Variants in CASTOR2 observed in about 807,000 individuals in gnomAD.
CASTOR2 encodes the protein GATS protein like 2.
Under a neutral mutation model 31.2 loss-of-function variants are expected in CASTOR2, and 8 were observed. The observed-to-expected ratio is 0.26, with a 90% CI of 0.15 to 0.46. CASTOR2 has a LOEUF of 0.46. Among genes scored for constraint, CASTOR2 ranks in the 20% least tolerant of loss-of-function variants. The probability of loss-of-function intolerance (pLI) is 0.99; values close to 1 mark genes in which losing one functional copy is unlikely to be tolerated. For missense variants in CASTOR2, 216 were observed against 382.1 expected (o/e 0.57, Z 3.62); for synonymous variants, 162 against 158.7 (o/e 1.02, Z -0.16).
intron 2 of CASTOR2, among the ~76,000 whole-genome samples, chr7:75,013,908 A>G (rs1222197887): frequency 4.0e-5 from 6 of 151,842 alleles, no homozygotes; most frequent in African/African-American, 1.5e-4. Context: ...TTATATTTTT[A>G]GTACAGACAA....
intron 1 of CASTOR2, among the ~76,000 whole-genome samples, chr7:75,003,703 T>C (rs1804546805): frequency 6.6e-6 from 1 of 151,768 alleles, no homozygotes; most frequent in African/African-American, 2.4e-5. Context: ...TGAGCCGAGA[T>C]TGCGCCACTG....
At chr7:75,012,385 C>A (rs1333053641) in intron 2 of CASTOR2, among the ~76,000 whole-genome samples, 3 of 152,152 alleles carry the variant, frequency 2.0e-5, no homozygotes, top group Admixed American at 1.3e-4. Flanking sequence ...TCACTGCATC[C>A]TCCACCTCCC....
At chr7:75,004,070 G>A (rs1410820637) in intron 1 of CASTOR2, among the ~76,000 whole-genome samples, 1 of 152,154 alleles carries the variant, frequency 6.6e-6, no homozygotes, top group Non-Finnish European at 1.5e-5. Context: ...GGGAGCAAGG[G>A]CCGCGTCTGT....
At chr7:74,988,958 A>AT (rs1364528225) in intron 1 of CASTOR2, among the ~76,000 whole-genome samples, 1 of 88,212 alleles carries the variant, frequency 1.1e-5, no homozygotes, top group Non-Finnish European at 2.3e-5. Flanking sequence ...ACTGGAGGGA[A>AT]TTTTTCTTTT....
At chr7:75,020,015 T>C in intron 5 of CASTOR2, 24 bp from the exon 6 acceptor site, 1 of 1,550,326 alleles carries the variant, frequency 6.5e-7, no homozygotes, top group South Asian at 1.2e-5. Context: ...GGCCCCATCT[T>C]TACCAGCTGC....
intron 5 of CASTOR2, among the ~76,000 whole-genome samples, chr7:75,019,783 G>A (rs1438938589): frequency 6.6e-6 from 1 of 152,254 alleles, no homozygotes; most frequent in Non-Finnish European, 1.5e-5. Context: ...CACAGCCTGT[G>A]CCCTGAGATG....
intron 1 of CASTOR2, among the ~76,000 whole-genome samples, chr7:74,992,511 C>G (rs1259345672): frequency 1.3e-5 from 2 of 152,214 alleles, no homozygotes; most frequent in Admixed American, 1.3e-4. Context: ...ATGATCTCGG[C>G]TCACTGCAAC....
chr7:75,024,197 C>T (rs935340206), intron 7 of CASTOR2, among the ~76,000 whole-genome samples: 9 of 152,028 alleles, frequency 5.9e-5, no homozygotes, highest in African/African-American at 1.9e-4. Context: ...GGCTGAGGCA[C>T]GAGGATTGCT....
chr7:75,031,345 G>C lies in CASTOR2; in HGVS notation c.*6646G>C, dbSNP rs1396971243. ...CATCGCTCCCAAGATCTGGGTGAAG[G>C]GGAGAACCTGCCATCTTATCCCTAC... On this transcript the variant is annotated 3_prime_UTR_variant, in exon 9 of 9. Coordinates refer to ENST00000616305, the MANE Select transcript of CASTOR2 (RefSeq NM_001145064.3). Among the ~76,000 whole-genome samples, 2 of 152,182 alleles carry C rather than the reference G, an allele frequency of 1.3e-5. No individual in the cohort carries two copies. Among genetic ancestry groups the C allele is most frequent in the Non-Finnish European group, 1.5e-5 (1 of 68,000 alleles).
intron 1 of CASTOR2, among the ~76,000 whole-genome samples, chr7:74,967,520 C>T (rs2131910061): frequency 6.9e-6 from 1 of 144,282 alleles, no homozygotes; most frequent in Middle Eastern, 3.6e-3. Context: ...CTGAGGGTCC[C>T]TGTGCCACCT....
intron 7 of CASTOR2, among the ~76,000 whole-genome samples, chr7:75,022,662 A>G (rs1008077190): frequency 1.8e-4 from 26 of 144,574 alleles, no homozygotes; most frequent in African/African-American, 5.4e-4. Flanking sequence ...GGCCAGGCAC[A>G]GTGGCGTGCG....
rs888758402 is a variant in CASTOR2 at position 75,020,691 on chromosome 7, A to G, written c.746+542A>G. 3.0e-3 allele frequency among the ~76,000 whole-genome samples: 452 copies of G among 151,584 alleles called. 4 individuals are homozygous for G. Among genetic ancestry groups the G allele is most frequent in the African/African-American group, 5.9e-3 (245 of 41,304 alleles). ...TTTTTAGTAGAGACCAGGTTTCACC[A>G]TGTTAGCCAAGATGGTCTGGATCTC... On this transcript the variant is annotated intron_variant, in intron 6 of 8. Transcript: ENST00000616305.
chr7:74,992,316 G>A (rs1480952152), intron 1 of CASTOR2, among the ~76,000 whole-genome samples: 8 of 152,168 alleles, frequency 5.3e-5, no homozygotes, highest in Non-Finnish European at 1.2e-4. Flanking sequence ...TCAAGGAACT[G>A]TAGGGCCCTG....
rs2131944808 is a variant in CASTOR2 at position 75,007,997 on chromosome 7, C to T, written c.117C>T (p.Cys39=). Residue 39 remains cysteine, a synonymous_variant, in exon 2 of 9, where the codon TGC becomes TGT. Transcript: ENST00000616305. ...CTGTGTCTGTCCATCCATCCAGGTGCAAGTTCTTCAGTCTGACTGAGACGC... is the reference window on the plus strand; with the variant it reads ...CTGTGTCTGTCCATCCATCCAGGTGTAAGTTCTTCAGTCTGACTGAGACGC... ...KLAFLSSKTR[C]KFFSLTETPE... 1 of 1,613,952 alleles carries T rather than the reference C, an allele frequency of 6.2e-7. No individual in the cohort carries two copies. Among genetic ancestry groups the T allele is most frequent in the East Asian group, 2.2e-5 (1 of 44,880 alleles).
intron 6 of CASTOR2, among the ~76,000 whole-genome samples, chr7:75,020,656 A>AT (rs1804976262): frequency 1.3e-5 from 2 of 150,700 alleles, no homozygotes; most frequent in Non-Finnish European, 1.5e-5. Flanking sequence ...CGCCTGGCTA[A>AT]TTTTTTGTAT....
At chr7:74,988,101 C>T (rs1804115775) in intron 1 of CASTOR2, among the ~76,000 whole-genome samples, 2 of 151,406 alleles carry the variant, frequency 1.3e-5, no homozygotes, top group African/African-American at 4.9e-5. Flanking sequence ...CATCTGTGTC[C>T]AGAGATGGCC....
chr7:75,026,206 T>TTTTTTA lies in CASTOR2; in HGVS notation c.*1507_*1508insTTTTTA. 7.1e-6 allele frequency among the ~76,000 whole-genome samples: 1 copy of TTTTTTA among 141,732 alleles called. No individual in the cohort carries two copies. Among genetic ancestry groups the TTTTTTA allele is most frequent in the South Asian group, 2.3e-4 (1 of 4,354 alleles). The allele number at this position is 141,732 out of a possible 152,430, so 93.0% of individuals were successfully genotyped here. ...TGGCGGGGGTTTTTTTTTTTTTTTT[T>TTTTTTA]GAGATGGGAGTCTGGCTCTGTTGCC... On this transcript the variant is annotated 3_prime_UTR_variant, in exon 9 of 9. Coordinates refer to ENST00000616305, the MANE Select transcript of CASTOR2 (RefSeq NM_001145064.3).
At position 75,030,471 on chromosome 7, in the gene CASTOR2, C is replaced by G. The variant is rs1363345898; in HGVS notation, c.*5772C>G. On this transcript the variant is annotated 3_prime_UTR_variant, in exon 9 of 9. Transcript: ENST00000616305. ...CCTCACCCCACTTGTCAGAACTACTCTGGAGGGGGGCAAAGGTGTCAGGAA... is the reference window on the plus strand; with the variant it reads ...CCTCACCCCACTTGTCAGAACTACTGTGGAGGGGGGCAAAGGTGTCAGGAA... Among the ~76,000 whole-genome samples the G allele has an allele frequency of 1.3e-5, 2 of 152,154 alleles. No individual in the cohort carries two copies. The highest frequency in any genetic ancestry group is 1.5e-5 in the Non-Finnish European group (1 of 68,028).
chr7:75,021,764 C>T, intron 6 of CASTOR2, 110 bp from the exon 7 acceptor site: 1 of 1,392,240 alleles, frequency 7.2e-7, no homozygotes, highest in East Asian at 2.5e-5. Flanking sequence ...GAGGTCTGCC[C>T]AACCCTGCCT....
Sources: gnomAD v4.1 joint callset for allele counts (sites outside exome capture counted in the v4.1 genomes callset) on GRCh38, gnomAD v4.1.1 for gene constraint, MANE v1.5 for transcripts, NCBI Gene and HGNC (gene_info 2026-07-23, HGNC 2026-07-21) for gene names.